The following SEMA3A variants were observed in gnomAD, a reference collection of about 807,000 sequenced individuals.
The protein encoded by SEMA3A is semaphorin-3A.
In SEMA3A, 29 loss-of-function variants were observed where a neutral mutation model predicts 97.9. The ratio of observed to expected loss-of-function variants is 0.30; its 90% CI spans 0.22 to 0.40. SEMA3A has a LOEUF of 0.40. Ranked by LOEUF, SEMA3A falls within the 10% of genes least tolerant of loss-of-function variation. The pLI is 1.00. For synonymous variants in SEMA3A, 321 were observed against 323.7 expected, an observed-to-expected ratio of 0.99 and a Z score of 0.09; for missense variants, 763 against 951.3, an observed-to-expected ratio of 0.80 and a Z score of 2.60.
intron 12 of SEMA3A, among the ~76,000 whole-genome samples, chr7:84,000,698 G>T (rs192929439): frequency 2.6e-5 from 4 of 152,062 alleles, no homozygotes; most frequent in Admixed American, 2.6e-4. Context: ...CTTTCCAGTA[G>T]AACACTGTGT....
chr7:84,014,457 G>A (rs1386536339), intron 6 of SEMA3A, 106 bp from the exon 7 acceptor site: 2 of 830,582 alleles, frequency 2.4e-6, no homozygotes, highest in African/African-American at 1.8e-5. Flanking sequence ...TATATTTCAA[G>A]AAACGTATCT....
chr7:84,413,432 A>C lies in SEMA3A; in HGVS notation c.-245-41532T>G, dbSNP rs548000307. ...TGCTTGAGCCCAGAAGTTTGAGACC[A>C]GCCGAGGAAACATGGCAAAACCCTG... On this transcript the variant is annotated intron_variant, in intron 1 of 3. Coordinates refer to the SEMA3A transcript ENST00000424555. Among the ~76,000 whole-genome samples the C allele has an allele frequency of 1.0e-3, 157 of 152,254 alleles. 1 individual carries two copies. The highest frequency in any genetic ancestry group is 1.7e-3 in the Non-Finnish European group (116 of 68,002).
At chr7:84,057,759 A>G (rs1793051775) in intron 5 of SEMA3A, among the ~76,000 whole-genome samples, 1 of 149,674 alleles carries the variant, frequency 6.7e-6, no homozygotes. Context: ...AAGATAAATA[A>G]ATAAATAAAT....
chr7:84,153,836 A>T (rs554187205), intron 1 of SEMA3A, among the ~76,000 whole-genome samples: 2 of 152,118 alleles, frequency 1.3e-5, no homozygotes, highest in Non-Finnish European at 2.9e-5. Context: ...AGTTAAAAAT[A>T]TTTCCTATTT....
intron 3 of SEMA3A, among the ~76,000 whole-genome samples, chr7:84,254,626 T>G (rs1389017071): frequency 6.6e-6 from 1 of 152,170 alleles, no homozygotes; most frequent in Non-Finnish European, 1.5e-5. Flanking sequence ...CTTTAAAAAT[T>G]TAAGCAGTTT....
chr7:84,055,136 A>C (rs1792898130), intron 5 of SEMA3A, among the ~76,000 whole-genome samples: 1 of 151,992 alleles, frequency 6.6e-6, no homozygotes, highest in South Asian at 2.1e-4. Flanking sequence ...TTAAGTCTGC[A>C]GAGGTTACTG....
At chr7:84,460,060 T>A (rs1311897032) in intron 1 of SEMA3A, among the ~76,000 whole-genome samples, 1 of 152,112 alleles carries the variant, frequency 6.6e-6, no homozygotes, top group Non-Finnish European at 1.5e-5. Flanking sequence ...AAAAACCTAA[T>A]TCTTATTACA....
intron 3 of SEMA3A, among the ~76,000 whole-genome samples, chr7:84,250,286 A>G (rs904229970): frequency 2.0e-5 from 3 of 151,988 alleles, no homozygotes; most frequent in Admixed American, 6.6e-5. Flanking sequence ...TTAAAACCAA[A>G]CCAAAAAAAG....
intron 3 of SEMA3A, among the ~76,000 whole-genome samples, chr7:84,291,706 T>C (rs930661087): frequency 1.3e-5 from 2 of 152,100 alleles, no homozygotes; most frequent in African/African-American, 4.8e-5. Context: ...TCCCCGTAAG[T>C]TGTTTAGTCT....
intron 3 of SEMA3A, among the ~76,000 whole-genome samples, chr7:84,251,424 A>G (rs1799606614): frequency 1.3e-5 from 2 of 152,190 alleles, no homozygotes; most frequent in Non-Finnish European, 2.9e-5. Flanking sequence ...ACTTGAAGCC[A>G]GTACACATGG....
At chr7:84,437,733 C>A (rs1805173670) in intron 1 of SEMA3A, among the ~76,000 whole-genome samples, 1 of 151,764 alleles carries the variant, frequency 6.6e-6, no homozygotes, top group Non-Finnish European at 1.5e-5. Context: ...GTGCAGTAAT[C>A]AGATTGACAG....
At chr7:84,047,807 C>G (rs1343694809) in intron 5 of SEMA3A, among the ~76,000 whole-genome samples, 1 of 151,696 alleles carries the variant, frequency 6.6e-6, no homozygotes, top group Non-Finnish European at 1.5e-5. Context: ...GTAACATTAC[C>G]ATATGTTCAC....
chr7:84,469,486 T>G (rs1245321332), intron 1 of SEMA3A, among the ~76,000 whole-genome samples: 1 of 152,166 alleles, frequency 6.6e-6, no homozygotes, highest in Non-Finnish European at 1.5e-5. Context: ...ATTTAAAGTT[T>G]AGAGAAAGCT....
At chr7:84,056,006 T>A (rs2115659593) in intron 5 of SEMA3A, among the ~76,000 whole-genome samples, 1 of 152,312 alleles carries the variant, frequency 6.6e-6, no homozygotes. Flanking sequence ...TACTATACCC[T>A]ACAAGATCTT....
intron 3 of SEMA3A, among the ~76,000 whole-genome samples, chr7:84,113,153 G>A (rs1349586115): frequency 6.6e-6 from 1 of 152,114 alleles, no homozygotes; most frequent in Non-Finnish European, 1.5e-5. Context: ...AGGAATGGAA[G>A]GAAATACTTT....
At chr7:84,143,387 C>G (rs1796356490) in intron 1 of SEMA3A, among the ~76,000 whole-genome samples, 1 of 152,118 alleles carries the variant, frequency 6.6e-6, no homozygotes, top group African/African-American at 2.4e-5. Context: ...AAACTTGAAA[C>G]ATTTTGATAT....
chr7:84,463,348 A>G (rs764659169), intron 1 of SEMA3A, among the ~76,000 whole-genome samples: 1 of 142,412 alleles, frequency 7.0e-6, no homozygotes, highest in Non-Finnish European at 1.5e-5. Flanking sequence ...TCCCGGGTTC[A>G]GGCCATTCTC....
intron 11 of SEMA3A, among the ~76,000 whole-genome samples, chr7:84,002,747 T>C (rs948888582): frequency 2.6e-5 from 4 of 152,110 alleles, no homozygotes; most frequent in African/African-American, 9.7e-5. Context: ...TTTTAGAGAA[T>C]TAAGGAAATT....
chr7:84,435,698 T>G (rs867234633), intron 1 of SEMA3A, among the ~76,000 whole-genome samples: 72 of 152,204 alleles, frequency 4.7e-4, no homozygotes, highest in African/African-American at 1.7e-3. Context: ...GCGAAAACAT[T>G]CCATGCTCAT....
Sources: allele counts gnomAD v4.1 joint callset (sites outside exome capture counted in the v4.1 genomes callset), GRCh38; gene constraint gnomAD v4.1.1; transcripts MANE v1.5; gene names NCBI Gene and HGNC (gene_info 2026-07-23, HGNC 2026-07-21).